Variants in PPP3R1 observed in about 807,000 individuals in gnomAD.
The protein encoded by PPP3R1 is protein phosphatase 3 regulatory subunit B, alpha.
In PPP3R1, 5 loss-of-function variants were observed where a neutral mutation model predicts 22.6. The observed-to-expected ratio is 0.22, with a 90% CI of 0.12 to 0.46. PPP3R1 has a LOEUF of 0.46. Ranked by LOEUF, PPP3R1 falls within the 20% of genes least tolerant of loss-of-function variation. The probability of loss-of-function intolerance (pLI) is 0.99; values close to 1 mark genes in which losing one functional copy is unlikely to be tolerated. For missense variants in PPP3R1, 61 were observed against 203.2 expected (o/e 0.30, Z 4.25); for synonymous variants, 56 against 65.2 (o/e 0.86, Z 0.68).
intron 5 of PPP3R1, 60 bp from the exon 6 acceptor site, chr2:68,181,070 C>G: frequency 3.3e-6 from 5 of 1,497,524 alleles, no homozygotes; most frequent in East Asian, 2.3e-5. Context: ...CATTCGTGGT[C>G]TAACTACTTC....
chr2:68,211,638 G>C (rs1002495235), intron 2 of PPP3R1, among the ~76,000 whole-genome samples: 3 of 152,160 alleles, frequency 2.0e-5, no homozygotes. Flanking sequence ...CTGTTTGACA[G>C]CATTTTGCCC....
At chr2:68,244,867 C>G (rs1294627357) in intron 1 of PPP3R1, among the ~76,000 whole-genome samples, 2 of 152,136 alleles carry the variant, frequency 1.3e-5, no homozygotes, top group Admixed American at 1.3e-4. Flanking sequence ...CTACCATATA[C>G]CAAGTATCTG....
Position 68,224,197 on chromosome 2 carries a change from C to A in PPP3R1, c.4-7066G>T, listed in dbSNP as rs1263122019. 3.9e-5 allele frequency among the ~76,000 whole-genome samples: 6 copies of A among 152,270 alleles called. No homozygotes were observed. The East Asian group carries it at 1.2e-3, about 29-fold the overall frequency. ...CAATGTTGTTAAGATGGCAATTCTT[C>A]CCATAATGATCTGCATATAGAAGAC... On this transcript the variant is annotated intron_variant, in intron 1 of 5. Transcript: ENST00000234310.
intron 5 of PPP3R1, among the ~76,000 whole-genome samples, chr2:68,184,909 G>GA (rs1394800349): frequency 6.6e-6 from 1 of 152,078 alleles, no homozygotes; most frequent in Non-Finnish European, 1.5e-5. Flanking sequence ...GCAACATAGC[G>GA]AGACCCCTGT....
At position 68,179,144 on chromosome 2, in the gene PPP3R1, T is replaced by C. The variant is rs1406338791; in HGVS notation, c.*1819A>G. ...TGCTAAAATATTTGTAACAAATACT[T>C]ATGTACAAAAAATTCACAAAAGGCT... On this transcript the variant is annotated 3_prime_UTR_variant, in exon 6 of 6. Coordinates refer to ENST00000234310, the MANE Select transcript of PPP3R1 (RefSeq NM_000945.4). The C allele has an allele frequency of 6.6e-6, 1 of 152,594 alleles. No individual in the cohort carries two copies. The highest frequency in any genetic ancestry group is 1.5e-5 in the Non-Finnish European group (1 of 68,030). The allele number at this position is 152,594 out of a possible 1,614,324, so 9.5% of individuals were successfully genotyped here.
intron 1 of PPP3R1, among the ~76,000 whole-genome samples, chr2:68,219,882 C>A (rs1669653888): frequency 6.6e-6 from 1 of 152,206 alleles, no homozygotes; most frequent in Non-Finnish European, 1.5e-5. Flanking sequence ...AAGTTACTGA[C>A]AAGATCACTT....
intron 2 of PPP3R1, among the ~76,000 whole-genome samples, chr2:68,192,933 G>T (rs932190966): frequency 2.0e-5 from 3 of 152,074 alleles, no homozygotes; most frequent in Non-Finnish European, 4.4e-5. Context: ...CCTCCTGCTG[G>T]AATGGCCTTG....
At chr2:68,230,523 T>C (rs1416019323) in intron 1 of PPP3R1, among the ~76,000 whole-genome samples, 1 of 152,288 alleles carries the variant, frequency 6.6e-6, no homozygotes, top group Non-Finnish European at 1.5e-5. Flanking sequence ...CACATCAGTA[T>C]TGTAATTTTT....
At chr2:68,216,540 G>A (rs977770000) in intron 2 of PPP3R1, among the ~76,000 whole-genome samples, 1 of 151,946 alleles carries the variant, frequency 6.6e-6, no homozygotes, top group East Asian at 1.9e-4. Flanking sequence ...CAGAAAATAC[G>A]GAAAGCTGTA....
chr2:68,252,245 A>T lies in PPP3R1; in HGVS notation c.-118T>A. 1.0e-6 allele frequency: 1 copy of T among 999,980 alleles called. No individual in the cohort carries two copies. The highest frequency in any genetic ancestry group is 1.2e-6 in the Non-Finnish European group (1 of 848,802). The allele number at this position is 999,980 out of a possible 1,614,324, so 61.9% of individuals were successfully genotyped here. A position where few individuals can be genotyped will look rare whatever the true frequency, so the allele number is the denominator to read the frequency against. Reference sequence around the variant, plus strand: ...TGCGGCCCTCGGGTCGCCGGCGGGGAGGGGGCGCGCGTGGGGGAGGGGAGG... The same window carrying T: ...TGCGGCCCTCGGGTCGCCGGCGGGGTGGGGGCGCGCGTGGGGGAGGGGAGG... On this transcript the variant is annotated 5_prime_UTR_variant, in exon 1 of 6. Transcript: ENST00000234310.
intron 2 of PPP3R1, among the ~76,000 whole-genome samples, chr2:68,192,070 G>A (rs1336837791): frequency 6.6e-6 from 1 of 152,142 alleles, no homozygotes; most frequent in African/African-American, 2.4e-5. Flanking sequence ...TATTTCAAAT[G>A]TAAAACTTAT....
At chr2:68,243,741 T>TAC in intron 1 of PPP3R1, among the ~76,000 whole-genome samples, 1 of 152,298 alleles carries the variant, frequency 6.6e-6, no homozygotes, top group East Asian at 1.9e-4. Flanking sequence ...ACTCATTGTT[T>TAC]ACATTTAAAA....
intron 1 of PPP3R1, among the ~76,000 whole-genome samples, chr2:68,249,807 A>C (rs1019490590): frequency 7.9e-5 from 12 of 152,196 alleles, no homozygotes; most frequent in Admixed American, 7.9e-4. Flanking sequence ...AGTACATTTA[A>C]ATCTTATAAG....
At chr2:68,189,561 T>C (rs1674618038) in intron 2 of PPP3R1, among the ~76,000 whole-genome samples, 1 of 152,172 alleles carries the variant, frequency 6.6e-6, no homozygotes, top group South Asian at 2.1e-4. Context: ...TAATTACAAA[T>C]ATATTTTTTA....
In PPP3R1 at chr2:68,186,617, A is replaced by G. The variant is rs1343428189; in HGVS notation, c.316T>C (p.Tyr106His). 1.9e-6 allele frequency: 3 copies of G among 1,613,016 alleles called. No individual in the cohort carries two copies. The highest frequency in any genetic ancestry group is 2.5e-6 in the Non-Finnish European group (3 of 1,179,310). ...FRIYDMDKDG[Y>H]ISNGELFQVL... ...TGGAAGAGTTCCCCATTGGAAATAT[A>G]GCCATCTTTATCCATGTCATAGATA... Residue 106 changes from tyrosine (Y) to histidine (H), a missense_variant, in exon 5 of 6, where the codon TAT becomes CAT. Tyr to His is a moderately conservative substitution (Grantham distance 83). Coordinates refer to ENST00000234310, the MANE Select transcript of PPP3R1 (RefSeq NM_000945.4).
At chr2:68,212,579 C>G (rs950219135) in intron 2 of PPP3R1, among the ~76,000 whole-genome samples, 1 of 152,204 alleles carries the variant, frequency 6.6e-6, no homozygotes, top group Non-Finnish European at 1.5e-5. Context: ...TCCATCAAAC[C>G]TCTTGAGTGA....
chr2:68,181,843 T>C (rs1335704567), intron 5 of PPP3R1, among the ~76,000 whole-genome samples: 2 of 152,192 alleles, frequency 1.3e-5, no homozygotes, highest in African/African-American at 4.8e-5. Context: ...TGTATATTAT[T>C]TTTCTGTAGA....
At chr2:68,250,377 A>G (rs995013515) in intron 1 of PPP3R1, among the ~76,000 whole-genome samples, 3 of 152,222 alleles carry the variant, frequency 2.0e-5, no homozygotes, top group African/African-American at 7.2e-5. Context: ...GGTGCACCGC[A>G]AGAGAGTTAC....
At chr2:68,223,675 A>G (rs1402922936) in intron 1 of PPP3R1, among the ~76,000 whole-genome samples, 1 of 152,286 alleles carries the variant, frequency 6.6e-6, no homozygotes, top group East Asian at 1.9e-4. Flanking sequence ...AGAGTAACTC[A>G]GCAAACTAGG....
Sources: gnomAD v4.1 joint callset for allele counts (sites outside exome capture counted in the v4.1 genomes callset) on GRCh38, gnomAD v4.1.1 for gene constraint, MANE v1.5 for transcripts, NCBI Gene and HGNC (gene_info 2026-07-23, HGNC 2026-07-21) for gene names.